Variants in PTPRT observed in about 807,000 individuals in gnomAD.
PTPRT encodes the protein receptor-type tyrosine-protein phosphatase T.
PTPRT carries 56 observed loss-of-function variants against 176.8 expected under a neutral mutation model. That is an observed-to-expected ratio of 0.32 (90% confidence interval 0.26 to 0.40). The LOEUF is 0.40. PTPRT is among the 10% of genes least tolerant of loss of function. The pLI is 1.00. For synonymous variants in PTPRT, 783 were observed against 739.0 expected, an observed-to-expected ratio of 1.06 and a Z score of -0.96; for missense variants, 1,540 against 1,908.2, an observed-to-expected ratio of 0.81 and a Z score of 3.60.
At chr20:42,901,214 T>C (rs190292695) in intron 1 of PTPRT, among the ~76,000 whole-genome samples, 6 of 152,236 alleles carry the variant, frequency 3.9e-5, no homozygotes, top group Admixed American at 1.3e-4. Flanking sequence ...AAACTGTCTT[T>C]TCTCATTCCT....
Position 42,885,944 on chromosome 20 carries a change from A to G in PTPRT, c.89-12T>C. ...AAAGGAACAGCCACCTGTAGACAAA[A>G]GAGATATGGGTAAATACATTCCCGT... On this transcript the variant is annotated splice_polypyrimidine_tract_variant and intron_variant, in intron 1 of 30. Coordinates refer to ENST00000373187, the MANE Select transcript of PTPRT (RefSeq NM_007050.6). 6.3e-7 allele frequency: 1 copy of G among 1,597,846 alleles called. No individual in the cohort carries two copies. Among genetic ancestry groups the G allele is most frequent in the Non-Finnish European group, 8.5e-7 (1 of 1,169,630 alleles).
chr20:42,858,684 C>G (rs6030529), intron 2 of PTPRT, among the ~76,000 whole-genome samples: 24,156 of 152,144 alleles, frequency 0.16, 5,283 homozygotes, highest in African/African-American at 0.5. Context: ...CCAGCCTCTA[C>G]AACTGTGAGC....
At chr20:42,564,735 T>TATC (rs1321399597) in intron 7 of PTPRT, among the ~76,000 whole-genome samples, 1 of 152,176 alleles carries the variant, frequency 6.6e-6, no homozygotes, top group Non-Finnish European at 1.5e-5. Flanking sequence ...TCTGCACATG[T>TATC]ATCTCAGAAC....
At chr20:42,908,561 T>TA (rs1600546034) in intron 1 of PTPRT, among the ~76,000 whole-genome samples, 2 of 152,186 alleles carry the variant, frequency 1.3e-5, no homozygotes, top group East Asian at 3.8e-4. Flanking sequence ...TATCATTTTT[T>TA]ATAGAGAGAC....
chr20:42,573,283 C>T (rs939900507), intron 7 of PTPRT, among the ~76,000 whole-genome samples: 1 of 152,180 alleles, frequency 6.6e-6, no homozygotes, highest in Non-Finnish European at 1.5e-5. Context: ...GCAAGGCAAG[C>T]ACCCTGGCCA....
intron 23 of PTPRT, among the ~76,000 whole-genome samples, chr20:42,107,531 A>G (rs1414158633): frequency 6.6e-6 from 1 of 152,112 alleles, no homozygotes; most frequent in Admixed American, 6.5e-5. Context: ...TCTTTAGGAG[A>G]ATCTCAGACC....
At chr20:42,545,703 T>G (rs983228072) in intron 7 of PTPRT, among the ~76,000 whole-genome samples, 1 of 152,188 alleles carries the variant, frequency 6.6e-6, no homozygotes, top group African/African-American at 2.4e-5. Flanking sequence ...TTGAAGGCAC[T>G]TGGGCTGGGT....
rs1555797917 is a variant in PTPRT, at chr20:42,184,516, C to CT, written c.2491+14723dup. 2.3e-3 allele frequency among the ~76,000 whole-genome samples: 327 copies of CT among 139,516 alleles called. 2 individuals are homozygous for CT. Among genetic ancestry groups the CT allele is most frequent in the South Asian group, 5.9e-3 (24 of 4,090 alleles). 91.5% of individuals were successfully genotyped at this position (139,516 alleles called of 152,430 possible). On this transcript the variant is annotated intron_variant, in intron 16 of 30. Transcript: ENST00000373187. ...TCCTCCCCCCTTCCTCCTCCTCCTC[C>CT]TCCTTCTTCTTCTTCTTCCTCTTCC...
chr20:42,506,902 A>G (rs1308568737), intron 7 of PTPRT, among the ~76,000 whole-genome samples: 2 of 152,004 alleles, frequency 1.3e-5, no homozygotes, highest in Non-Finnish European at 2.9e-5. Flanking sequence ...TGTTTTTCAT[A>G]TGGTAAGGAA....
At chr20:42,363,227 C>T (rs1249471240) in intron 9 of PTPRT, among the ~76,000 whole-genome samples, 2 of 140,374 alleles carry the variant, frequency 1.4e-5, no homozygotes, top group African/African-American at 5.3e-5. Context: ...AAGCCAAAGG[C>T]ACACCCCTCC....
intron 1 of PTPRT, among the ~76,000 whole-genome samples, chr20:43,078,878 G>C (rs1250078409): frequency 6.6e-6 from 1 of 152,158 alleles, no homozygotes; most frequent in Non-Finnish European, 1.5e-5. Flanking sequence ...AATGATCTAA[G>C]GAAGCTGCTC....
At chr20:42,185,225 C>T (rs1349191299) in intron 16 of PTPRT, among the ~76,000 whole-genome samples, 2 of 152,138 alleles carry the variant, frequency 1.3e-5, no homozygotes, top group African/African-American at 4.8e-5. Context: ...CCATGGCTAC[C>T]TGTAGGGTCA....
intron 1 of PTPRT, among the ~76,000 whole-genome samples, chr20:43,007,284 T>C (rs764050862): frequency 6.6e-6 from 1 of 152,210 alleles, no homozygotes; most frequent in African/African-American, 2.4e-5. Context: ...AGGTATTTTT[T>C]GGTTCTGATT....
intron 2 of PTPRT, among the ~76,000 whole-genome samples, chr20:42,859,708 C>T (rs6124499): frequency 1.3e-5 from 2 of 151,514 alleles, no homozygotes; most frequent in Non-Finnish European, 2.9e-5. Context: ...CTCAGCCTCC[C>T]GAGCAGCTGG....
chr20:43,175,613 A>C, intron 1 of PTPRT, among the ~76,000 whole-genome samples: 1 of 99,884 alleles, frequency 1.0e-5, no homozygotes, highest in South Asian at 3.3e-4. Flanking sequence ...GTGCCACTGC[A>C]CTCCAACCTG....
At chr20:42,924,072 C>A (rs1979333434) in intron 1 of PTPRT, among the ~76,000 whole-genome samples, 1 of 152,136 alleles carries the variant, frequency 6.6e-6, no homozygotes, top group Non-Finnish European at 1.5e-5. Flanking sequence ...CCAAGCTGGT[C>A]TCGAACTCCT....
intron 1 of PTPRT, among the ~76,000 whole-genome samples, chr20:42,928,085 G>C (rs1979601898): frequency 6.6e-6 from 1 of 152,186 alleles, no homozygotes; most frequent in South Asian, 2.1e-4. Context: ...GAAGGTGAAG[G>C]TTGCTTTCCC....
At chr20:42,199,091 T>C (rs1273562856) in intron 16 of PTPRT, 149 bp downstream of exon 16, 7 of 891,478 alleles carry the variant, frequency 7.9e-6, no homozygotes, top group Non-Finnish European at 1.1e-5. Context: ...CAAGTCTTTG[T>C]CAGGGAGAAC....
intron 16 of PTPRT, among the ~76,000 whole-genome samples, chr20:42,190,622 C>T (rs1416037138): frequency 2.0e-5 from 3 of 152,190 alleles, no homozygotes; most frequent in African/African-American, 4.8e-5. Context: ...AAACTGATTG[C>T]TTGGCCCTAA....
Sources: allele counts gnomAD v4.1 joint callset (sites outside exome capture counted in the v4.1 genomes callset), GRCh38; gene constraint gnomAD v4.1.1; transcripts MANE v1.5; gene names NCBI Gene and HGNC (gene_info 2026-07-23, HGNC 2026-07-21).